The following C15orf40 variants were observed in gnomAD, a reference collection of about 807,000 sequenced individuals.
C15orf40 encodes the protein UPF0235 protein C15orf40.
C15orf40 carries 9 observed loss-of-function variants against 13.9 expected under a neutral mutation model. The observed-to-expected ratio is 0.65, with a 90% CI of 0.39 to 1.13. The LOEUF (loss-of-function observed/expected upper bound fraction) is 1.13. C15orf40 is among the 50% of genes most tolerant of loss of function. The pLI, the probability that C15orf40 is intolerant of heterozygous loss-of-function variation, is 0.01. For synonymous variants in C15orf40, 95 were observed against 69.2 expected, an observed-to-expected ratio of 1.37 and a Z score of -1.85; for missense variants, 225 against 188.5, an observed-to-expected ratio of 1.19 and a Z score of -1.13.
downstream of C15orf40, among the ~76,000 whole-genome samples, chr15:82,993,107 G>A (rs80204640): frequency 4.6e-3 from 701 of 152,290 alleles, 6 homozygotes; most frequent in African/African-American, 0.016. Flanking sequence ...AAACATATGT[G>A]ACCGTGAGAA....
intron 2 of C15orf40, among the ~76,000 whole-genome samples, chr15:83,009,848 C>T (rs564469938): frequency 6.6e-6 from 1 of 152,312 alleles, no homozygotes; most frequent in East Asian, 1.9e-4. Context: ...GGTCTCAGAT[C>T]TCAAGTTTTC....
intron 3 of C15orf40, chr15:83,006,258 A>G (rs2031674141): frequency 1.8e-6 from 1 of 570,510 alleles, no homozygotes; most frequent in Non-Finnish European, 2.2e-6. Context: ...AAAAAATGAT[A>G]TTCTAGTCTC....
At chr15:82,989,311 T>C, downstream of C15orf40, 1 of 782,524 alleles carries the variant, frequency 1.3e-6, no homozygotes, top group East Asian at 2.9e-5. Flanking sequence ...TAGTACCTAA[T>C]AACAGTACCT....
At position 83,004,046 on chromosome 15, in the gene C15orf40, C is replaced by A. The variant is rs2031545361; in HGVS notation, c.*1551G>T. 6.6e-6 allele frequency: 1 copy of A among 152,202 alleles called. No homozygotes were observed. The highest frequency in any genetic ancestry group is 2.1e-4 in the South Asian group (1 of 4,822). 9.4% of individuals were successfully genotyped at this position (152,202 alleles called of 1,614,324 possible). On this transcript the variant is annotated 3_prime_UTR_variant, in exon 4 of 4. Coordinates refer to ENST00000304177, the MANE Select transcript of C15orf40 (RefSeq NM_144597.3). The stretch of plus-strand genomic sequence containing the variant: ...TACAGGCATGAGCCACCACACCCGG[C>A]CTGGACTTCTTATATATGAGGTCTT...
chr15:83,011,382 G>C (rs2032002299), intron 1 of C15orf40, 115 bp downstream of exon 1: 2 of 1,228,248 alleles, frequency 1.6e-6, no homozygotes, highest in Non-Finnish European at 1.1e-6. Context: ...CCGGAACTGA[G>C]AGACGGCAAG....
chr15:82,989,212 C>CA (rs2030755044), downstream of C15orf40: 1 of 1,607,596 alleles, frequency 6.2e-7, no homozygotes, highest in African/African-American at 1.3e-5. Flanking sequence ...AGAATAAATG[C>CA]AGATAGTTGA....
downstream of C15orf40, among the ~76,000 whole-genome samples, chr15:82,991,519 T>C (rs978777478): frequency 6.6e-6 from 1 of 152,152 alleles, no homozygotes; most frequent in Non-Finnish European, 1.5e-5. Context: ...CACTCCAGCC[T>C]GGGCAACAGA....
chr15:83,007,015 A>C (rs765165471), intron 3 of C15orf40, among the ~76,000 whole-genome samples: 46 of 152,158 alleles, frequency 3.0e-4, no homozygotes, highest in Non-Finnish European at 8.8e-5. Context: ...CCTGGATAGG[A>C]GCTATATAGT....
downstream of C15orf40, chr15:82,990,055 C>G (rs368166772): frequency 1.4e-6 from 2 of 1,415,880 alleles, no homozygotes; most frequent in East Asian, 4.7e-5. Flanking sequence ...GGCCTCCTTA[C>G]GGTTACTACT....
In C15orf40 at chr15:82,994,860, T is replaced by C. The variant is rs908017439; in HGVS notation, c.*10737A>G. ...GTTTATTTATGAACACAGAAAGATA[T>C]GCTTTTAAAACTCTCAAATTTTAAA... On this transcript the variant is annotated 3_prime_UTR_variant, in exon 4 of 4. Transcript: ENST00000304177. 2 of 152,218 alleles carry C rather than the reference T, an allele frequency of 1.3e-5. No homozygotes were observed. The highest frequency in any genetic ancestry group is 6.5e-5 in the Admixed American group (1 of 15,276). The allele number at this position is 152,218 out of a possible 1,614,324, so 9.4% of individuals were successfully genotyped here.
rs2123158 is a variant in C15orf40, at chr15:82,995,130, A to G, written c.*10467T>C. 0.57 allele frequency: 86,632 copies of G among 151,722 alleles called. 25,765 individuals are homozygous for G. Among genetic ancestry groups the G allele is most frequent in the African/African-American group, 0.74 (30,477 of 41,360 alleles). The allele number at this position is 151,722 out of a possible 1,614,324, so 9.4% of individuals were successfully genotyped here. A position where few individuals can be genotyped will look rare whatever the true frequency, so the allele number is the denominator to read the frequency against. On this transcript the variant is annotated 3_prime_UTR_variant, in exon 4 of 4. Coordinates refer to ENST00000304177, the MANE Select transcript of C15orf40 (RefSeq NM_144597.3). The stretch of plus-strand genomic sequence containing the variant: ...GAGCAGATTATCTCCTCTTTTCTAG[A>G]AGTCTGGTTGATTACTGCTGGCACC...
downstream of C15orf40, chr15:82,991,817 C>A: frequency 8.7e-7 from 1 of 1,152,806 alleles, no homozygotes; most frequent in Non-Finnish European, 1.2e-6. Context: ...GGCAAGAAGC[C>A]AGTGCTGTTA....
In C15orf40 at chr15:82,995,616, C is replaced by T. The variant is rs1254461062; in HGVS notation, c.*9981G>A. The stretch of plus-strand genomic sequence containing the variant: ...CCTGGCCAACATGGCAAAACCCCAT[C>T]TCTACTAAAAATACAAAAATTAGCT... On this transcript the variant is annotated 3_prime_UTR_variant, in exon 4 of 4. Transcript: ENST00000304177. 2 of 152,506 alleles carry T rather than the reference C, an allele frequency of 1.3e-5. No individual in the cohort carries two copies. The highest frequency in any genetic ancestry group is 3.9e-4 in the East Asian group (2 of 5,192). The allele number at this position is 152,506 out of a possible 1,614,324, so 9.4% of individuals were successfully genotyped here.
In C15orf40 at chr15:83,000,431, G is replaced by A. The variant is rs1433824953; in HGVS notation, c.*5166C>T. 2 of 152,190 alleles carry A rather than the reference G, an allele frequency of 1.3e-5. No individual in the cohort carries two copies. Among genetic ancestry groups the A allele is most frequent in the Admixed American group, 6.5e-5 (1 of 15,268 alleles). 9.4% of individuals were successfully genotyped at this position (152,190 alleles called of 1,614,324 possible). On this transcript the variant is annotated 3_prime_UTR_variant, in exon 4 of 4. Transcript: ENST00000304177. ...GCTGGCCCCAAGTTAACAACACTCC[G>A]ACCTGAGCTAAATTTAAGATACAAG...
chr15:83,006,751 A>G (rs2031707349), intron 3 of C15orf40, among the ~76,000 whole-genome samples: 1 of 152,350 alleles, frequency 6.6e-6, no homozygotes, highest in East Asian at 1.9e-4. Flanking sequence ...GGGCAACAAG[A>G]GCGAAAACAC....
At chr15:82,990,848 G>T, downstream of C15orf40, 7 of 493,846 alleles carry the variant, frequency 1.4e-5, no homozygotes, top group South Asian at 3.8e-5. Flanking sequence ...GCATTTTGAT[G>T]GTTCTTACTT....
chr15:83,008,774 A>T, intron 2 of C15orf40, 99 bp from the exon 3 acceptor site: 2 of 1,329,098 alleles, frequency 1.5e-6, no homozygotes, highest in South Asian at 3.0e-5. Flanking sequence ...CCTGGCACAC[A>T]GATTTTCAAT....
At chr15:82,993,307 T>C (rs1446557454), downstream of C15orf40, among the ~76,000 whole-genome samples, 2 of 152,218 alleles carry the variant, frequency 1.3e-5, no homozygotes, top group Non-Finnish European at 1.5e-5. Flanking sequence ...GGGAGGGAAG[T>C]ATTTGGTAAA....
At position 83,011,608 on chromosome 15, in the gene C15orf40, C is replaced by A. The variant is rs752085603; in HGVS notation, c.-1G>T. On this transcript the variant is annotated 5_prime_UTR_variant, in exon 1 of 4. Coordinates refer to ENST00000304177, the MANE Select transcript of C15orf40 (RefSeq NM_144597.3). ...TCAGCCCGCTGCGGAGCCGCAGCAT[C>A]CCCGCCTGGGAAGGCGCCGGAAGAG... is the stretch of plus-strand genomic sequence containing the variant. The A allele has an allele frequency of 1.3e-6, 2 of 1,576,312 alleles. No homozygotes were observed. The highest frequency in any genetic ancestry group is 8.6e-7 in the Non-Finnish European group (1 of 1,165,220).
Sources: allele counts gnomAD v4.1 joint callset (sites outside exome capture counted in the v4.1 genomes callset), GRCh38; gene constraint gnomAD v4.1.1; transcripts MANE v1.5; gene names NCBI Gene and HGNC (gene_info 2026-07-23, HGNC 2026-07-21).